The following SLC24A3 variants were observed in gnomAD, a reference collection of about 807,000 sequenced individuals.
SLC24A3 encodes sodium/potassium/calcium exchanger 3.
A neutral mutation model predicts 75.8 loss-of-function variants in SLC24A3; 28 were observed. The observed-to-expected ratio is 0.37, with a 90% CI of 0.27 to 0.51. SLC24A3 has a LOEUF of 0.51. SLC24A3 is among the 20% of genes least tolerant of loss of function. The pLI, the probability that SLC24A3 is intolerant of heterozygous loss-of-function variation, is 0.94. For synonymous variants in SLC24A3, 372 were observed against 334.1 expected (o/e 1.11, Z -1.24); for missense variants, 663 against 847.8 (o/e 0.78, Z 2.71).
At chr20:19,717,497 T>G (rs1180829597) in intron 15 of SLC24A3, 31 bp from the exon 16 acceptor site, 1 of 1,612,274 alleles carries the variant, frequency 6.2e-7, no homozygotes, top group Non-Finnish European at 8.5e-7. Context: ...GCCTAGCTTG[T>G]CAGAAGCCTA....
chr20:19,319,084 C>G (rs1408551088), intron 2 of SLC24A3, among the ~76,000 whole-genome samples: 2 of 152,132 alleles, frequency 1.3e-5, no homozygotes, highest in Non-Finnish European at 2.9e-5. Context: ...GTTCACTGCA[C>G]TGCTGTTCTT....
At chr20:19,665,834 TA>T in intron 7 of SLC24A3, 29 bp from the exon 8 acceptor site, 1 of 1,554,368 alleles carries the variant, frequency 6.4e-7, no homozygotes, top group South Asian at 1.2e-5. Flanking sequence ...TGTGTGTGTC[TA>T]ATCTTCTATT....
chr20:19,293,328 T>C (rs895751833), intron 2 of SLC24A3, among the ~76,000 whole-genome samples: 6 of 152,124 alleles, frequency 3.9e-5, no homozygotes, highest in African/African-American at 1.4e-4. Flanking sequence ...CATTGGCCCC[T>C]TTGTGGAATC....
chr20:19,616,852 A>C (rs985136634), intron 6 of SLC24A3, among the ~76,000 whole-genome samples: 1 of 152,080 alleles, frequency 6.6e-6, no homozygotes, highest in Non-Finnish European at 1.5e-5. Context: ...AACCCCCTTT[A>C]GGGCCTTTTT....
At chr20:19,438,819 G>A (rs1210750804) in intron 2 of SLC24A3, among the ~76,000 whole-genome samples, 5 of 152,220 alleles carry the variant, frequency 3.3e-5, no homozygotes, top group Admixed American at 2.6e-4. Flanking sequence ...GGTAGGTAGT[G>A]TAGATAGTAA....
chr20:19,394,735 G>A (rs1986424107), intron 2 of SLC24A3, among the ~76,000 whole-genome samples: 1 of 152,218 alleles, frequency 6.6e-6, no homozygotes, highest in African/African-American at 2.4e-5. Flanking sequence ...TGATAAGTCT[G>A]TGGAGAAATT....
At chr20:19,707,936 G>A (rs1416612492) in intron 15 of SLC24A3, among the ~76,000 whole-genome samples, 2 of 152,182 alleles carry the variant, frequency 1.3e-5, no homozygotes, top group East Asian at 3.9e-4. Flanking sequence ...GAATTCGGGA[G>A]TCAAGAGCAT....
chr20:19,327,332 A>G (rs193227847), intron 2 of SLC24A3, among the ~76,000 whole-genome samples: 6 of 152,354 alleles, frequency 3.9e-5, no homozygotes, highest in Admixed American at 3.9e-4. Context: ...TGGGTTGTCA[A>G]TAAAAAAACG....
At chr20:19,522,566 T>A (rs557411991) in intron 3 of SLC24A3, among the ~76,000 whole-genome samples, 2 of 152,362 alleles carry the variant, frequency 1.3e-5, no homozygotes, top group Admixed American at 1.3e-4. Flanking sequence ...TGTTAAGGTT[T>A]TTGATCTTCA....
At chr20:19,235,939 G>A (rs988913644) in intron 1 of SLC24A3, among the ~76,000 whole-genome samples, 1 of 152,190 alleles carries the variant, frequency 6.6e-6, no homozygotes, top group African/African-American at 2.4e-5. Context: ...CAGCATGAAC[G>A]CTGGGTGACA....
chr20:19,639,669 C>T (rs1038349307), intron 6 of SLC24A3, among the ~76,000 whole-genome samples: 2 of 152,190 alleles, frequency 1.3e-5, no homozygotes, highest in African/African-American at 4.8e-5. Context: ...GACTGGGTGC[C>T]GAGGAGCAGG....
chr20:19,633,132 TAGTC>T (rs1329418388), intron 6 of SLC24A3, among the ~76,000 whole-genome samples: 3 of 152,262 alleles, frequency 2.0e-5, no homozygotes, highest in South Asian at 2.1e-4. Flanking sequence ...AGCATATTCT[TAGTC>T]AGCCAGGGCT....
At chr20:19,416,960 G>A (rs1019003041) in intron 2 of SLC24A3, among the ~76,000 whole-genome samples, 8 of 152,182 alleles carry the variant, frequency 5.3e-5, no homozygotes, top group Non-Finnish European at 1.0e-4. Flanking sequence ...AAACCAAAAG[G>A]AGCAATCTTG....
chr20:19,669,240 G>A (rs1296820125), intron 8 of SLC24A3, among the ~76,000 whole-genome samples: 1 of 152,188 alleles, frequency 6.6e-6, no homozygotes, highest in Admixed American at 6.5e-5. Flanking sequence ...GGTGGCTCAC[G>A]CCCATAATCC....
chr20:19,511,026 ACAGG>A (rs1316521961), intron 2 of SLC24A3, among the ~76,000 whole-genome samples: 2 of 152,186 alleles, frequency 1.3e-5, no homozygotes, highest in Non-Finnish European at 2.9e-5. Flanking sequence ...CTAAACAGTG[ACAGG>A]CAGGCGTCAG....
chr20:19,412,608 G>T (rs1046190628), intron 2 of SLC24A3, among the ~76,000 whole-genome samples: 3 of 150,032 alleles, frequency 2.0e-5, no homozygotes, highest in African/African-American at 7.3e-5. Context: ...AGAGAAGGAG[G>T]AGCAAGAGGA....
chr20:19,255,934 A>G (rs568770552), intron 1 of SLC24A3, among the ~76,000 whole-genome samples: 1 of 152,106 alleles, frequency 6.6e-6, no homozygotes, highest in Admixed American at 6.5e-5. Flanking sequence ...ATCTCTACAA[A>G]AAATAAAAAT....
At chr20:19,415,404 A>G (rs1986809956) in intron 2 of SLC24A3, among the ~76,000 whole-genome samples, 1 of 152,194 alleles carries the variant, frequency 6.6e-6, no homozygotes, top group Non-Finnish European at 1.5e-5. Context: ...AGTGAGGCAG[A>G]ACTTTATTAC....
At chr20:19,579,976 C>T in intron 3 of SLC24A3, 24 bp from the exon 4 acceptor site, 4 of 1,586,102 alleles carry the variant, frequency 2.5e-6, no homozygotes, top group Non-Finnish European at 3.5e-6. Context: ...CTAACTTTAA[C>T]CCCTTTTATC....
Sources: allele counts gnomAD v4.1 joint callset (sites outside exome capture counted in the v4.1 genomes callset), GRCh38; gene constraint gnomAD v4.1.1; transcripts MANE v1.5; gene names NCBI Gene and HGNC (gene_info 2026-07-23, HGNC 2026-07-21).